Variants in POU2F2 observed in about 807,000 individuals in gnomAD.
POU2F2 encodes POU domain, class 2, transcription factor 2.
POU2F2 carries 14 observed loss-of-function variants against 63.5 expected under a neutral mutation model. The ratio of observed to expected loss-of-function variants is 0.22; its 90% CI spans 0.15 to 0.34. The LOEUF (loss-of-function observed/expected upper bound fraction) is 0.34, where lower values mean the gene tolerates loss of function less well. Among genes scored for constraint, POU2F2 ranks in the 10% least tolerant of loss-of-function variants. The pLI is 1.00. For synonymous variants in POU2F2, 306 were observed against 348.6 expected, an observed-to-expected ratio of 0.88 and a Z score of 1.36; for missense variants, 607 against 815.2, an observed-to-expected ratio of 0.74 and a Z score of 3.11.
chr19:42,149,028 G>A (rs1200490332), intron 2 of POU2F2, among the ~76,000 whole-genome samples: 2 of 152,132 alleles, frequency 1.3e-5, no homozygotes, highest in Admixed American at 1.3e-4. Context: ...ATGAGAAGGA[G>A]AGAGGAGGGG....
In POU2F2 at chr19:42,153,503, C is replaced by T. The variant is rs1269842142; in HGVS notation, c.-9+6829G>A. ...GCCCCTGACAGAGTGTGTCTGAGCA[C>T]GGATGCTGCTGTGCGTGAGCCTCCA... On this transcript the variant is annotated intron_variant, in intron 2 of 6. Transcript: ENST00000524801. This position sits in a 1 kb window ranked among gnomAD's most constrained non-coding sequence, Gnocchi z 5.6. Among the ~76,000 whole-genome samples, 2 of 152,126 alleles carry T rather than the reference C, an allele frequency of 1.3e-5. No homozygotes were observed. The highest frequency in any genetic ancestry group is 2.1e-4 in the South Asian group (1 of 4,826).
chr19:42,096,815 G>A lies in POU2F2; in HGVS notation c.568-572C>T, dbSNP rs1487038789. 6.6e-6 allele frequency among the ~76,000 whole-genome samples: 1 copy of A among 152,174 alleles called. No homozygotes were observed. The highest frequency in any genetic ancestry group is 1.5e-5 in the Non-Finnish European group (1 of 68,038). ...TGGGTAATAGTGATGTGTCAATGTA[G>A]GTTCATCACCTGTTACGCTTGTACC... On this transcript the variant is annotated intron_variant, in intron 7 of 14. Transcript: ENST00000692977. The surrounding 1 kb of genome is among the most constrained non-coding windows in gnomAD (Gnocchi z 4.1).
At chr19:42,106,760 CAAG>C (rs1054036873) in intron 5 of POU2F2, among the ~76,000 whole-genome samples, 2 of 104,970 alleles carry the variant, frequency 1.9e-5, no homozygotes, top group African/African-American at 7.8e-5. Flanking sequence ...AAGAAAAAAA[CAAG>C]AAGGAGGAAG....
At chr19:42,163,118 C>T (rs951431096) in intron 1 of POU2F2, among the ~76,000 whole-genome samples, 1 of 152,084 alleles carries the variant, frequency 6.6e-6, no homozygotes, top group African/African-American at 2.4e-5. Flanking sequence ...ATACAGCAAA[C>T]AAGATCTAAC....
chr19:42,122,485 T>C, intron 2 of POU2F2, 26 bp downstream of exon 2: 2 of 1,601,898 alleles, frequency 1.2e-6, no homozygotes, highest in Non-Finnish European at 1.7e-6. Flanking sequence ...CGGTGACCCC[T>C]GCCCCCCTGC....
At chr19:42,098,327 C>T (rs915176182) in intron 7 of POU2F2, among the ~76,000 whole-genome samples, 2 of 150,662 alleles carry the variant, frequency 1.3e-5, no homozygotes. Flanking sequence ...GTAGGAGAAT[C>T]GCTTGAACCT....
intron 2 of POU2F2, among the ~76,000 whole-genome samples, chr19:42,143,668 C>T (rs1016326853): frequency 6.6e-6 from 1 of 152,142 alleles, no homozygotes; most frequent in African/African-American, 2.4e-5. Flanking sequence ...TCTCTCCCCA[C>T]CCCCTTCACT....
intron 5 of POU2F2, among the ~76,000 whole-genome samples, chr19:42,108,512 CTGCA>C (rs2030517091): frequency 6.6e-6 from 1 of 151,944 alleles, no homozygotes; most frequent in Non-Finnish European, 1.5e-5. Context: ...GAGGTCAAGG[CTGCA>C]GTGAGCCATG....
chr19:42,140,852 A>T (rs796684634), intron 2 of POU2F2, among the ~76,000 whole-genome samples: 9 of 152,326 alleles, frequency 5.9e-5, no homozygotes, highest in African/African-American at 2.2e-4. Context: ...CCAGGCACCC[A>T]TGGTCCACAG....
At chr19:42,125,794 G>A (rs1447486234) in intron 1 of POU2F2, among the ~76,000 whole-genome samples, 1 of 152,184 alleles carries the variant, frequency 6.6e-6, no homozygotes, top group Non-Finnish European at 1.5e-5. Flanking sequence ...CCACCACCCT[G>A]TACTGCTCTT....
At chr19:42,124,644 C>T (rs2033019628) in intron 1 of POU2F2, among the ~76,000 whole-genome samples, 1 of 152,182 alleles carries the variant, frequency 6.6e-6, no homozygotes, top group Non-Finnish European at 1.5e-5. Flanking sequence ...TCATAATGGC[C>T]CCAAACTGGA....
At chr19:42,113,939 G>C (rs559850936) in intron 5 of POU2F2, among the ~76,000 whole-genome samples, 1 of 152,316 alleles carries the variant, frequency 6.6e-6, no homozygotes, top group African/African-American at 2.4e-5. Context: ...CCCATAGGAG[G>C]TGCTGTTGTA....
chr19:42,125,626 G>A (rs1047065120), intron 1 of POU2F2, among the ~76,000 whole-genome samples: 4 of 152,124 alleles, frequency 2.6e-5, no homozygotes, highest in African/African-American at 7.2e-5. Flanking sequence ...CTCTAACCCG[G>A]TCCTAAATCC....
upstream of POU2F2, among the ~76,000 whole-genome samples, chr19:42,176,330 GT>G (rs947536847): frequency 9.9e-5 from 15 of 151,962 alleles, no homozygotes; most frequent in African/African-American, 3.1e-4. Context: ...TATTGGTATT[GT>G]TTTTTTTCTC....
In POU2F2 at chr19:42,125,311, G is replaced by A. The variant is rs139796212; in HGVS notation, c.29-2735C>T. ...CAGGAGATTGAGGCTACAGTGAGCC[G>A]TGATTGTACCACTGCACTCCAGCTT... On this transcript the variant is annotated intron_variant, in intron 1 of 14. Transcript: ENST00000692977. Among the ~76,000 whole-genome samples, 10 of 143,860 alleles carry A rather than the reference G, an allele frequency of 7.0e-5. 1 individual carries two copies. Among genetic ancestry groups the A allele is most frequent in the African/African-American group, 2.6e-4 (10 of 39,016 alleles). The allele number at this position is 143,860 out of a possible 152,430, so 94.4% of individuals were successfully genotyped here.
chr19:42,092,199 C>T lies in POU2F2; in HGVS notation c.1336G>A (p.Gly446Arg), dbSNP rs1599919320. 3.2e-6 allele frequency: 5 copies of T among 1,549,802 alleles called. No homozygotes were observed. The highest frequency in any genetic ancestry group is 4.3e-6 in the Non-Finnish European group (5 of 1,149,970). Residue 446 changes from glycine to arginine, a missense_variant, in exon 13 of 15, where the codon GGG becomes AGG. Coordinates refer to ENST00000692977, the MANE Select transcript of POU2F2 (RefSeq NM_001394376.1). This position sits in a 1 kb window ranked among gnomAD's most constrained non-coding sequence, Gnocchi z 5.0. ...RTAGGGGGGG[G>R]AAPPLNSIPS... Reference sequence around the variant, plus strand: ...ATGGAATTGAGGGGGGGCGCAGCCCCGCCCCCGCCCCCACCCCCTCCAGCT... The same window carrying T: ...ATGGAATTGAGGGGGGGCGCAGCCCTGCCCCCGCCCCCACCCCCTCCAGCT...
upstream of POU2F2, chr19:42,137,208 A>T (rs1245926908): frequency 6.6e-6 from 1 of 151,956 alleles, no homozygotes; most frequent in African/African-American, 2.4e-5. Context: ...GCATGGTGGC[A>T]TACCCCTGTA....
upstream of POU2F2, among the ~76,000 whole-genome samples, chr19:42,177,765 C>A (rs2034913679): frequency 6.6e-6 from 1 of 151,502 alleles, no homozygotes; most frequent in Non-Finnish European, 1.5e-5. Flanking sequence ...TATGGAGAGA[C>A]ACTGAGGTCC....
intron 4 of POU2F2, among the ~76,000 whole-genome samples, chr19:42,118,993 T>C (rs1019982208): frequency 6.6e-6 from 1 of 151,968 alleles, no homozygotes; most frequent in Non-Finnish European, 1.5e-5. Flanking sequence ...ATTAGAAAGT[T>C]TAAGAGCTAC....
Sources: gnomAD v4.1 joint callset for allele counts (sites outside exome capture counted in the v4.1 genomes callset) on GRCh38, gnomAD v4.1.1 for gene constraint, Gnocchi (gnomAD v3.1) non-coding constraint, MANE v1.5 for transcripts, NCBI Gene and HGNC (gene_info 2026-07-23, HGNC 2026-07-21) for gene names.